SYNDIG1: variants seen among roughly 807,000 people sequenced by gnomAD.
SYNDIG1 encodes the protein synapse differentiation-inducing gene protein 1.
Under a neutral mutation model 19.4 loss-of-function variants are expected in SYNDIG1, and 9 were observed. The ratio of observed to expected loss-of-function variants is 0.46; its 90% CI spans 0.28 to 0.81. The LOEUF (loss-of-function observed/expected upper bound fraction) is 0.81. SYNDIG1 is among the 30% of genes least tolerant of loss of function. The probability of loss-of-function intolerance (pLI) is 0.12; values close to 1 mark genes in which losing one functional copy is unlikely to be tolerated. For synonymous variants in SYNDIG1, 141 were observed against 145.9 expected, an observed-to-expected ratio of 0.97 and a Z score of 0.24; for missense variants, 311 against 343.3, an observed-to-expected ratio of 0.91 and a Z score of 0.74.
intron 2 of SYNDIG1, among the ~76,000 whole-genome samples, chr20:24,550,897 C>G (rs2057694551): frequency 6.6e-6 from 1 of 152,272 alleles, no homozygotes; most frequent in Admixed American, 6.5e-5. Context: ...CTTTAAGTGT[C>G]ACTGGATCTT....
intron 3 of SYNDIG1, among the ~76,000 whole-genome samples, chr20:24,604,050 A>ATT (rs1307344774): frequency 2.0e-5 from 3 of 152,210 alleles, no homozygotes; most frequent in Admixed American, 2.0e-4. Flanking sequence ...TTACCAAAAC[A>ATT]AACAACATTT....
intron 1 of SYNDIG1, among the ~76,000 whole-genome samples, chr20:24,474,533 T>C (rs1473750885): frequency 6.6e-6 from 1 of 151,890 alleles, no homozygotes; most frequent in East Asian, 1.9e-4. Flanking sequence ...AATTTAGGAG[T>C]TCAGTTAGCA....
intron 1 of SYNDIG1, among the ~76,000 whole-genome samples, chr20:24,489,802 C>T (rs570139251): frequency 7.9e-5 from 12 of 152,326 alleles, no homozygotes; most frequent in South Asian, 2.1e-4. Flanking sequence ...GGACAGTGTG[C>T]GGTTCAGGGA....
At chr20:24,537,330 G>T (rs916447223) in intron 1 of SYNDIG1, among the ~76,000 whole-genome samples, 1 of 152,208 alleles carries the variant, frequency 6.6e-6, no homozygotes, top group African/African-American at 2.4e-5. Context: ...TTGGTGGTCA[G>T]CCCACAGCCA....
chr20:24,547,311 T>C (rs1043597875), intron 2 of SYNDIG1, among the ~76,000 whole-genome samples: 3 of 152,248 alleles, frequency 2.0e-5, no homozygotes, highest in African/African-American at 7.2e-5. Context: ...TCGGCCTGTC[T>C]GACATATGTT....
At chr20:24,489,819 C>A (rs116431729) in intron 1 of SYNDIG1, among the ~76,000 whole-genome samples, 22 of 152,370 alleles carry the variant, frequency 1.4e-4, no homozygotes, top group Admixed American at 1.2e-3. Context: ...GGGACAGACT[C>A]GAGCAGCAAG....
intron 1 of SYNDIG1, among the ~76,000 whole-genome samples, chr20:24,470,785 C>G (rs1202207805): frequency 6.6e-6 from 1 of 152,130 alleles, no homozygotes. Context: ...TTGGGGGTTT[C>G]GTTGCACGCA....
chr20:24,545,392 A>C (rs1281155330), intron 2 of SYNDIG1, among the ~76,000 whole-genome samples: 1 of 152,112 alleles, frequency 6.6e-6, no homozygotes, highest in African/African-American at 2.4e-5. Flanking sequence ...CCTGTCTACT[A>C]AGTTTTCCAA....
rs952313818 is a variant in SYNDIG1 at position 24,619,495 on chromosome 20, G to A, written c.618+34502G>A. On this transcript the variant is annotated intron_variant, in intron 3 of 3. Coordinates refer to ENST00000376862, the MANE Select transcript of SYNDIG1 (RefSeq NM_024893.3). ...CTTCTCAATATTTGCAAAGTGATAA[G>A]AGAGACAAGTCTGCCATCCTCATGT... Among the ~76,000 whole-genome samples, 4 of 152,330 alleles carry A rather than the reference G, an allele frequency of 2.6e-5. No individual in the cohort carries two copies. The South Asian group carries it at 8.3e-4, about 32-fold the overall frequency.
rs572691324 is a variant in SYNDIG1, at chr20:24,563,159, T to A, written c.480+19582T>A. 3.9e-5 allele frequency among the ~76,000 whole-genome samples: 6 copies of A among 152,338 alleles called. No homozygotes were observed. The East Asian group carries it at 9.6e-4, about 24-fold the overall frequency. On this transcript the variant is annotated intron_variant, in intron 2 of 3. Transcript: ENST00000376862. The stretch of plus-strand genomic sequence containing the variant: ...CAGAATGCCCTATAATGTAGATGTG[T>A]TCGATGGCTTATTAAAACATCTCTC...
intron 1 of SYNDIG1, among the ~76,000 whole-genome samples, chr20:24,516,814 C>T (rs1439265369): frequency 1.3e-5 from 2 of 152,188 alleles, no homozygotes; most frequent in African/African-American, 4.8e-5. Flanking sequence ...CATCTCATTA[C>T]TGGGTATGTA....
At chr20:24,637,374 C>CT (rs2059326515) in intron 3 of SYNDIG1, among the ~76,000 whole-genome samples, 1 of 152,216 alleles carries the variant, frequency 6.6e-6, no homozygotes, top group East Asian at 1.9e-4. Context: ...TCCCTCCACT[C>CT]TAACAGCCTC....
intron 2 of SYNDIG1, among the ~76,000 whole-genome samples, chr20:24,550,520 T>A (rs986534800): frequency 9.2e-5 from 14 of 151,974 alleles, no homozygotes; most frequent in African/African-American, 3.4e-4. Flanking sequence ...TGCTTTTTTT[T>A]TTTTTTGAGA....
chr20:24,553,003 T>G (rs934270925), intron 2 of SYNDIG1, among the ~76,000 whole-genome samples: 8 of 152,010 alleles, frequency 5.3e-5, no homozygotes, highest in African/African-American at 1.9e-4. Context: ...ATTGCCATTC[T>G]AACTGGTGTG....
In SYNDIG1 at chr20:24,543,002, T is replaced by C; in HGVS notation, c.-78-18T>C. 1 of 1,525,424 alleles carries C rather than the reference T, an allele frequency of 6.6e-7. No individual in the cohort carries two copies. 94.5% of individuals were successfully genotyped at this position (1,525,424 alleles called of 1,614,324 possible). A position where few individuals can be genotyped will look rare whatever the true frequency, so the allele number is the denominator to read the frequency against. On this transcript the variant is annotated intron_variant, in intron 1 of 3. Coordinates refer to ENST00000376862, the MANE Select transcript of SYNDIG1 (RefSeq NM_024893.3). ...AAGTGTGATTCTCTTGTCTCATCTC[T>C]GTTTTCTCCTCCTCCAGGAGAAATG...
chr20:24,528,518 C>G (rs2057174423), intron 1 of SYNDIG1, among the ~76,000 whole-genome samples: 1 of 152,176 alleles, frequency 6.6e-6, no homozygotes, highest in African/African-American at 2.4e-5. Context: ...AGGACTCACT[C>G]TCTTCTTCTA....
chr20:24,655,081 G>A (rs1378564213), intron 3 of SYNDIG1, among the ~76,000 whole-genome samples: 1 of 152,142 alleles, frequency 6.6e-6, no homozygotes, highest in African/African-American at 2.4e-5. Flanking sequence ...AACAAAAACT[G>A]TAACGTCAAA....
Position 24,665,553 on chromosome 20 carries a change from G to A in SYNDIG1, c.*49G>A, listed in dbSNP as rs369328229. On this transcript the variant is annotated 3_prime_UTR_variant, in exon 4 of 4. Transcript: ENST00000376862. ...CACCCGGGGCCAGGTCTGTGTGGAC[G>A]TGGAGGAAGCAGGCATACCGCATGA... The A allele has an allele frequency of 1.8e-5, 29 of 1,608,454 alleles. No homozygotes were observed. Among genetic ancestry groups the A allele is most frequent in the East Asian group, 1.1e-4 (5 of 44,868 alleles).
intron 3 of SYNDIG1, among the ~76,000 whole-genome samples, chr20:24,587,398 C>A (rs1355985275): frequency 2.6e-5 from 4 of 152,198 alleles, no homozygotes; most frequent in African/African-American, 9.7e-5. Context: ...CCAGGCAGCT[C>A]CCCTCAGTCT....
Sources: allele counts gnomAD v4.1 joint callset (sites outside exome capture counted in the v4.1 genomes callset), GRCh38; gene constraint gnomAD v4.1.1; transcripts MANE v1.5; gene names NCBI Gene and HGNC (gene_info 2026-07-23, HGNC 2026-07-21).